The following SPRED2 variants were observed in gnomAD, a reference collection of about 807,000 sequenced individuals.
The protein encoded by SPRED2 is sprouty related EVH1 domain containing 2.
SPRED2 carries 47 observed loss-of-function variants against 43.0 expected under a neutral mutation model. The ratio of observed to expected loss-of-function variants is 1.09; its 90% confidence interval spans 0.87 to 1.40. The LOEUF (loss-of-function observed/expected upper bound fraction) is 1.40, where lower values mean the gene tolerates loss of function less well. Among genes scored for constraint, SPRED2 ranks in the 40% most tolerant of loss-of-function variants. The probability of loss-of-function intolerance (pLI) is 0.00; values close to 1 mark genes in which losing one functional copy is unlikely to be tolerated. For synonymous variants in SPRED2, 225 were observed against 225.7 expected (o/e 1.00, Z 0.03); for missense variants, 561 against 586.4 (o/e 0.96, Z 0.45).
At chr2:65,355,575 G>A (rs1024984748) in intron 1 of SPRED2, among the ~76,000 whole-genome samples, 1 of 152,072 alleles carries the variant, frequency 6.6e-6, no homozygotes, top group Non-Finnish European at 1.5e-5. Context: ...AAAAGTAGCC[G>A]GGCATGGTGG....
intron 3 of SPRED2, among the ~76,000 whole-genome samples, chr2:65,332,470 A>G (rs1371549251): frequency 6.6e-6 from 1 of 152,184 alleles, no homozygotes; most frequent in Non-Finnish European, 1.5e-5. Context: ...GCCACAATCT[A>G]CTGTGTAAAC....
At chr2:65,343,923 G>GA (rs1423977516) in intron 2 of SPRED2, among the ~76,000 whole-genome samples, 1 of 152,012 alleles carries the variant, frequency 6.6e-6, no homozygotes, top group Non-Finnish European at 1.5e-5. Flanking sequence ...GAGGTGGGTG[G>GA]ATCACCTGAG....
chr2:65,376,529 C>T (rs62139128), intron 1 of SPRED2, among the ~76,000 whole-genome samples: 16,694 of 152,118 alleles, frequency 0.11, 1,362 homozygotes, highest in Non-Finnish European at 0.16. Flanking sequence ...TCCCACCATC[C>T]CATCTGCCCC....
intron 1 of SPRED2, among the ~76,000 whole-genome samples, chr2:65,350,817 CCAAGGAAG>C (rs1558664103): frequency 6.6e-6 from 1 of 152,202 alleles, no homozygotes; most frequent in East Asian, 1.9e-4. Context: ...CAGACATAAA[CCAAGGAAG>C]TGTAGGAGAT....
chr2:65,393,638 TTTG>T (rs202051399), intron 1 of SPRED2, among the ~76,000 whole-genome samples: 1,545 of 152,258 alleles, frequency 0.01, 31 homozygotes, highest in African/African-American at 0.036. Context: ...CCTATTATTT[TTTG>T]TTGTTGTTGT....
chr2:65,392,276 C>T (rs1394202505), intron 1 of SPRED2, among the ~76,000 whole-genome samples: 1 of 148,968 alleles, frequency 6.7e-6, no homozygotes, highest in African/African-American at 2.5e-5. Context: ...ACCTTCTGGG[C>T]TCAAGCGATC....
intron 1 of SPRED2, among the ~76,000 whole-genome samples, chr2:65,387,872 A>C (rs1675537301): frequency 6.6e-6 from 1 of 151,666 alleles, no homozygotes; most frequent in Non-Finnish European, 1.5e-5. Context: ...AGTTCACTGC[A>C]TTCTCCGCCT....
intron 1 of SPRED2, among the ~76,000 whole-genome samples, chr2:65,420,477 C>T (rs547412365): frequency 1.9e-4 from 29 of 152,298 alleles, no homozygotes; most frequent in Admixed American, 5.9e-4. Context: ...AGTCTCTTCC[C>T]GATTTCTCAC....
At chr2:65,318,988 C>A (rs1282665011) in intron 4 of SPRED2, among the ~76,000 whole-genome samples, 1 of 152,178 alleles carries the variant, frequency 6.6e-6, no homozygotes, top group African/African-American at 2.4e-5. Flanking sequence ...TATCATAAAT[C>A]ATTTTAGGGA....
intron 1 of SPRED2, among the ~76,000 whole-genome samples, chr2:65,393,930 G>T (rs1360887864): frequency 6.6e-6 from 1 of 152,254 alleles, no homozygotes; most frequent in East Asian, 1.9e-4. Flanking sequence ...TAGCTGGGGG[G>T]TCTTGAGCAA....
chr2:65,311,743 C>G lies in SPRED2; in HGVS notation c.*1758G>C. 1.0e-6 allele frequency: 1 copy of G among 985,448 alleles called. No individual in the cohort carries two copies. Among genetic ancestry groups the G allele is most frequent in the Non-Finnish European group, 1.2e-6 (1 of 829,938 alleles). 61.0% of individuals were successfully genotyped at this position (985,448 alleles called of 1,614,324 possible). On this transcript the variant is annotated 3_prime_UTR_variant, in exon 6 of 6. Coordinates refer to ENST00000356388, the MANE Select transcript of SPRED2 (RefSeq NM_181784.3). Reference sequence around the variant, plus strand: ...TCCAATGAATGAAGACGTCTACTAACTGACTCATAAGCACACTGGGTATTT... The same window carrying G: ...TCCAATGAATGAAGACGTCTACTAAGTGACTCATAAGCACACTGGGTATTT...
At chr2:65,309,156 C>CAAAA (rs11334053), downstream of SPRED2, among the ~76,000 whole-genome samples, 1 of 138,140 alleles carries the variant, frequency 7.2e-6, no homozygotes, top group Non-Finnish European at 1.6e-5. Flanking sequence ...AACTCAGTCT[C>CAAAA]AAAAAAAAAA....
intron 3 of SPRED2, 160 bp from the exon 4 acceptor site, chr2:65,332,211 C>CTT: frequency 2.0e-6 from 1 of 493,196 alleles, no homozygotes; most frequent in Non-Finnish European, 3.7e-6. Flanking sequence ...TTAATTTACT[C>CTT]TTCTTTAATT....
At chr2:65,415,344 CTGTTT>C (rs1676248374) in intron 1 of SPRED2, among the ~76,000 whole-genome samples, 1 of 151,932 alleles carries the variant, frequency 6.6e-6, no homozygotes, top group African/African-American at 2.4e-5. Context: ...TTAGAGACAT[CTGTTT>C]TAAGTCAATG....
chr2:65,431,229 A>ACG lies in SPRED2; in HGVS notation c.26+731_26+732dup, dbSNP rs538446975. The stretch of plus-strand genomic sequence containing the variant: ...AGGACACTCACATACACACACACAC[A>ACG]CGCGCGCCCCCAGCGCGATGCCCCG... On this transcript the variant is annotated intron_variant, in intron 1 of 5. Coordinates refer to ENST00000356388, the MANE Select transcript of SPRED2 (RefSeq NM_181784.3). Among the ~76,000 whole-genome samples, 749 of 150,466 alleles carry ACG rather than the reference A, an allele frequency of 5.0e-3. 5 individuals are homozygous for ACG. The highest frequency in any genetic ancestry group is 0.017 in the African/African-American group (709 of 40,980).
At chr2:65,415,003 G>A (rs762911410) in intron 1 of SPRED2, among the ~76,000 whole-genome samples, 4 of 152,004 alleles carry the variant, frequency 2.6e-5, no homozygotes, top group Non-Finnish European at 5.9e-5. Flanking sequence ...TTGCTATGTT[G>A]CCCAGGCTGG....
intron 1 of SPRED2, among the ~76,000 whole-genome samples, chr2:65,388,907 A>G (rs1360151753): frequency 6.6e-6 from 1 of 152,148 alleles, no homozygotes; most frequent in African/African-American, 2.4e-5. Flanking sequence ...TTGCTCTCCC[A>G]GGCAGCCACA....
chr2:65,385,273 G>A (rs540897507), intron 1 of SPRED2, among the ~76,000 whole-genome samples: 1 of 152,268 alleles, frequency 6.6e-6, no homozygotes, highest in Admixed American at 6.5e-5. Context: ...CGCCCGGCCT[G>A]CTTTCCACTT....
At chr2:65,401,933 G>GCACACACACACA (rs141434693) in intron 1 of SPRED2, among the ~76,000 whole-genome samples, 4 of 83,822 alleles carry the variant, frequency 4.8e-5, no homozygotes, top group South Asian at 3.5e-4. Context: ...ATTAGCGCGC[G>GCACACACACACA]CGCGCACACA....
Sources: gnomAD v4.1 joint callset for allele counts (sites outside exome capture counted in the v4.1 genomes callset) on GRCh38, gnomAD v4.1.1 for gene constraint, MANE v1.5 for transcripts, NCBI Gene and HGNC (gene_info 2026-07-23, HGNC 2026-07-21) for gene names.